The following NUP37 variants were observed in gnomAD, a reference collection of about 807,000 sequenced individuals.
NUP37 encodes the protein nucleoporin 37.
NUP37 carries 33 observed loss-of-function variants against 45.4 expected under a neutral mutation model. The observed-to-expected ratio is 0.73, with a 90% CI of 0.55 to 0.97. The LOEUF (loss-of-function observed/expected upper bound fraction) is 0.97. NUP37 is among the 50% of genes least tolerant of loss of function. NUP37 has a pLI of 0.00. For missense variants in NUP37, 365 were observed against 389.7 expected, an observed-to-expected ratio of 0.94 and a Z score of 0.53; for synonymous variants, 127 against 130.7, an observed-to-expected ratio of 0.97 and a Z score of 0.19.
intron 5 of NUP37, among the ~76,000 whole-genome samples, chr12:102,093,120 T>C (rs1045890630): frequency 2.6e-5 from 4 of 152,142 alleles, no homozygotes; most frequent in Middle Eastern, 3.4e-3. Context: ...GAAAATAATA[T>C]GTCAAAATCA....
At position 102,099,720 on chromosome 12, in the gene NUP37, C is replaced by T. The variant is rs10128829; in HGVS notation, c.355-520G>A. 4.7e-3 allele frequency among the ~76,000 whole-genome samples: 709 copies of T among 152,192 alleles called. 5 individuals are homozygous for T. Among genetic ancestry groups the T allele is most frequent in the African/African-American group, 0.016 (674 of 41,518 alleles). ...TGAAGACAGCTAGTTGTTATAAGCC[C>T]ATAGTTATCACCAACACAAAAAATC... On this transcript the variant is annotated intron_variant, in intron 4 of 9. Transcript: ENST00000552283.
intron 5 of NUP37, among the ~76,000 whole-genome samples, chr12:102,090,162 C>T (rs1879606321): frequency 1.3e-5 from 2 of 152,048 alleles, no homozygotes; most frequent in Admixed American, 1.3e-4. Flanking sequence ...CTAAAACAGT[C>T]TTAATCATTT....
chr12:102,108,110 T>A (rs1880208091), intron 3 of NUP37, among the ~76,000 whole-genome samples: 1 of 152,180 alleles, frequency 6.6e-6, no homozygotes, highest in Admixed American at 6.5e-5. Flanking sequence ...ATCTGGGTGT[T>A]TCTGGGTGTA....
chr12:102,077,210 T>C (rs1879195022), intron 7 of NUP37, 112 bp downstream of exon 7: 2 of 1,104,598 alleles, frequency 1.8e-6, no homozygotes, highest in African/African-American at 3.1e-5. Flanking sequence ...AGGAAAGACT[T>C]GCTTTCGCTT....
In NUP37 at chr12:102,073,747, C is replaced by G. The variant is rs557764819; in HGVS notation, c.*607G>C. 6.6e-6 allele frequency: 1 copy of G among 152,104 alleles called. No individual in the cohort carries two copies. The highest frequency in any genetic ancestry group is 1.5e-5 in the Non-Finnish European group (1 of 68,034). 9.4% of individuals were successfully genotyped at this position (152,104 alleles called of 1,614,324 possible). ...TCGCCCAGGCTGCAGTGAAGTGGCA[C>G]GATCTTGGCTCACTGTAACCTCTGC... On this transcript the variant is annotated 3_prime_UTR_variant, in exon 10 of 10. Transcript: ENST00000552283.
At chr12:102,088,402 A>G (rs1385864560) in intron 5 of NUP37, among the ~76,000 whole-genome samples, 1 of 152,176 alleles carries the variant, frequency 6.6e-6, no homozygotes, top group African/African-American at 2.4e-5. Flanking sequence ...TGTACAATTC[A>G]AAGAGAATAC....
intron 5 of NUP37, 147 bp from the exon 6 acceptor site, chr12:102,086,003 TAAC>T (rs1325145387): frequency 2.3e-6 from 1 of 435,744 alleles, no homozygotes; most frequent in Non-Finnish European, 4.2e-6. Context: ...AAGAAAATTA[TAAC>T]ACCACTTTTA....
At chr12:102,074,615 A>T (rs1303996683) in intron 9 of NUP37, 148 bp from the exon 10 acceptor site, 1 of 578,064 alleles carries the variant, frequency 1.7e-6, no homozygotes, top group Admixed American at 3.2e-5. Flanking sequence ...GGTGAAATAC[A>T]CATTATTGAT....
At chr12:102,109,359 T>G (rs1208601437) in intron 3 of NUP37, among the ~76,000 whole-genome samples, 1 of 152,160 alleles carries the variant, frequency 6.6e-6, no homozygotes, top group Admixed American at 6.5e-5. Flanking sequence ...GAGTTATACC[T>G]TAGTCATGGT....
intron 3 of NUP37, among the ~76,000 whole-genome samples, chr12:102,107,082 G>C (rs1318980103): frequency 6.6e-6 from 1 of 152,116 alleles, no homozygotes; most frequent in Non-Finnish European, 1.5e-5. Context: ...TAGTGAGATG[G>C]ATTTGAGACT....
intron 5 of NUP37, among the ~76,000 whole-genome samples, chr12:102,098,228 CTTTA>C (rs1055190325): frequency 2.0e-5 from 3 of 152,080 alleles, no homozygotes; most frequent in Admixed American, 6.6e-5. Flanking sequence ...TCATCTTGTT[CTTTA>C]TTTGTGATAT....
chr12:102,115,724 T>G lies in NUP37; in HGVS notation c.156+2639A>C, dbSNP rs1880444351. 3 of 538,468 alleles carry G rather than the reference T, an allele frequency of 5.6e-6. No individual in the cohort carries two copies. In the South Asian group the frequency reaches 2.4e-4, roughly 44 times the overall value. 33.4% of individuals were successfully genotyped at this position (538,468 alleles called of 1,614,324 possible). ...TTTATTGAAATTCAAATTCACTATA[T>G]CTACAACGTTTTCTAAACAGCCTTA... is the stretch of plus-strand genomic sequence containing the variant. On this transcript the variant is annotated intron_variant, in intron 2 of 9. Transcript: ENST00000552283.
At chr12:102,089,333 C>T (rs1284576018) in intron 5 of NUP37, among the ~76,000 whole-genome samples, 3 of 144,280 alleles carry the variant, frequency 2.1e-5, no homozygotes, top group African/African-American at 8.3e-5. Flanking sequence ...GGCGGCCGGG[C>T]AGAGGCGCTC....
At chr12:102,087,920 C>T (rs529215054) in intron 5 of NUP37, among the ~76,000 whole-genome samples, 2 of 152,076 alleles carry the variant, frequency 1.3e-5, no homozygotes, top group African/African-American at 4.8e-5. Flanking sequence ...GTCCAATGAA[C>T]CAAAGTTTTA....
At chr12:102,082,179 T>C (rs144972337) in intron 6 of NUP37, among the ~76,000 whole-genome samples, 141 of 152,298 alleles carry the variant, frequency 9.3e-4, no homozygotes, top group Non-Finnish European at 1.6e-3. Context: ...CTCTTGACTT[T>C]TGTATATTTT....
At chr12:102,112,782 T>G (rs1302512586) in intron 2 of NUP37, among the ~76,000 whole-genome samples, 3 of 152,228 alleles carry the variant, frequency 2.0e-5, no homozygotes, top group Non-Finnish European at 4.4e-5. Context: ...TGGGACCTTA[T>G]AAAGACCTCA....
chr12:102,114,447 T>C (rs1386001040), intron 2 of NUP37, among the ~76,000 whole-genome samples: 4 of 152,216 alleles, frequency 2.6e-5, no homozygotes, highest in African/African-American at 9.6e-5. Context: ...AAGGCCCGTG[T>C]GTGTGTGTGG....
At chr12:102,079,823 T>C (rs770176778) in intron 6 of NUP37, among the ~76,000 whole-genome samples, 11 of 152,134 alleles carry the variant, frequency 7.2e-5, no homozygotes, top group Non-Finnish European at 1.5e-4. Flanking sequence ...ATATTTACAG[T>C]ATGAAAGCTA....
chr12:102,101,049 C>T lies in NUP37; in HGVS notation c.337G>A (p.Asp113Asn). 6.5e-7 allele frequency: 1 copy of T among 1,545,022 alleles called. No homozygotes were observed. Among genetic ancestry groups the T allele is most frequent in the South Asian group, 1.2e-5 (1 of 82,684 alleles). ...KIRLFTSDLQ[D>N]KNEYKVLEGH... ...CAACATACCTTATATTCATTTTTATCCTGAAGATCTGAAGTAAATAATCTA... is the reference window on the plus strand; with the variant it reads ...CAACATACCTTATATTCATTTTTATTCTGAAGATCTGAAGTAAATAATCTA... The change falls in exon 4 of 10, where the codon GAT (aspartate) becomes AAT (asparagine). Residue 113 changes from aspartate (D) to asparagine (N), a missense_variant. Transcript: ENST00000552283.
Sources: allele counts gnomAD v4.1 joint callset (sites outside exome capture counted in the v4.1 genomes callset), GRCh38; gene constraint gnomAD v4.1.1; transcripts MANE v1.5; gene names NCBI Gene and HGNC (gene_info 2026-07-23, HGNC 2026-07-21).